C19orf25: variants seen among roughly 807,000 people sequenced by gnomAD.
The protein encoded by C19orf25 is chromosome 19 open reading frame 25, also known as UPF0449 protein C19orf25.
A neutral mutation model predicts 3.1 loss-of-function variants in C19orf25; 1 was observed. That is an observed-to-expected ratio of 0.32 (90% CI 0.12 to 1.54). The LOEUF (loss-of-function observed/expected upper bound fraction) is 1.54, where lower values mean the gene tolerates loss of function less well. Ranked by LOEUF, C19orf25 falls within the 40% of genes most tolerant of loss-of-function variation. The pLI is 0.38. For missense variants in C19orf25, 196 were observed against 160.4 expected (o/e 1.22, Z -1.20); for synonymous variants, 91 against 74.3 (o/e 1.23, Z -1.16).
intron 2 of C19orf25, among the ~76,000 whole-genome samples, chr19:1,477,446 T>C (rs549994507): frequency 4.1e-4 from 62 of 152,352 alleles, no homozygotes; most frequent in African/African-American, 1.5e-3. Flanking sequence ...GTTGAATGAA[T>C]GAATGAGCCT....
rs1239268487 is a variant in C19orf25 at position 1,478,798 on chromosome 19, C to T, written c.106G>A (p.Val36Met). The T allele has an allele frequency of 6.3e-7, 1 of 1,581,792 alleles. No homozygotes were observed. Among genetic ancestry groups the T allele is most frequent in the South Asian group, 1.2e-5 (1 of 86,322 alleles). Reference sequence around the variant, plus strand: ...CCTTCCGGGGCCAGGATGGTGAACACTGGATCCTCTGCCGGCGCACCCCGC... The same window carrying T: ...CCTTCCGGGGCCAGGATGGTGAACATTGGATCCTCTGCCGGCGCACCCCGC... ...DVRGAPAEDP[V>M]FTILAPEDPP... Residue 36 changes from valine to methionine, a missense_variant, in exon 2 of 3, where the codon GTG becomes ATG. Transcript: ENST00000585675.
chr19:1,479,129 C>T lies in C19orf25; in HGVS notation c.-3+34G>A. 5 of 1,310,212 alleles carry T rather than the reference C, an allele frequency of 3.8e-6. No homozygotes were observed. The South Asian group carries it at 1.1e-4, about 29-fold the overall frequency. The allele number at this position is 1,310,212 out of a possible 1,614,324, so 81.2% of individuals were successfully genotyped here. On this transcript the variant is annotated intron_variant, in intron 1 of 2. Transcript: ENST00000585675. Reference sequence around the variant, plus strand: ...CTGGCTCAACCTCTGCCTCAGTTTCCCCGCGGTCACCCCAGTCGCCGGCCT... The same window carrying T: ...CTGGCTCAACCTCTGCCTCAGTTTCTCCGCGGTCACCCCAGTCGCCGGCCT...
intron 1 of C19orf25, 128 bp from the exon 2 acceptor site, chr19:1,479,033 C>T: frequency 7.1e-7 from 1 of 1,402,738 alleles, no homozygotes; most frequent in South Asian, 1.6e-5. Context: ...CGCCCTGTCC[C>T]GCCCCTCTGA....
rs1599174891 is a variant in C19orf25 at position 1,474,538 on chromosome 19, G to A, written c.*494C>T. On this transcript the variant is annotated 3_prime_UTR_variant, in exon 3 of 3. Transcript: ENST00000585675. ...GTGAAGATCAACGTGGCTTGTGGGA[G>A]GAGCCCGGGGCCCAGAAGGAAGTGG... 2 of 346,516 alleles carry A rather than the reference G, an allele frequency of 5.8e-6. No homozygotes were observed. Among genetic ancestry groups the A allele is most frequent in the African/African-American group, 2.1e-5 (1 of 48,024 alleles). The allele number at this position is 346,516 out of a possible 1,614,324, so 21.5% of individuals were successfully genotyped here.
intron 2 of C19orf25, among the ~76,000 whole-genome samples, chr19:1,477,795 G>A (rs572078284): frequency 2.0e-5 from 3 of 152,194 alleles, no homozygotes; most frequent in East Asian, 3.9e-4. Context: ...GGTTTGGGGG[G>A]CCCTAGCTTA....
rs1284129173 is a variant in C19orf25, at chr19:1,475,162, A to T, written c.227T>A (p.Leu76Gln). ...CCTCAGCACGTTGCCCGCCTGCTGC[A>T]GCCGCTGGTTGGCAGCCACGTAGGC... ...SRAYVAANQRLQQAGNVLRQR... is the reference protein window; with the variant it reads ...SRAYVAANQRQQQAGNVLRQR... The change falls in exon 3 of 3, where the codon CTG becomes CAG. Residue 76 changes from leucine (L) to glutamine (Q), a missense_variant. Transcript: ENST00000585675. 1 of 1,582,500 alleles carries T rather than the reference A, an allele frequency of 6.3e-7. No individual in the cohort carries two copies. The highest frequency in any genetic ancestry group is 8.6e-7 in the Non-Finnish European group (1 of 1,165,688).
At chr19:1,478,511 C>G in intron 2 of C19orf25, 1 of 1,109,798 alleles carries the variant, frequency 9.0e-7, no homozygotes, top group South Asian at 2.6e-5. Context: ...TGGGCTCAAG[C>G]GATCCTCCCG....
At chr19:1,476,054 G>T (rs2084202439) in intron 2 of C19orf25, 1 of 396,994 alleles carries the variant, frequency 2.5e-6, no homozygotes, top group African/African-American at 2.1e-5. Flanking sequence ...TGGCGAAGGT[G>T]AGAGGTGGGC....
rs186651565 is a variant in C19orf25 at position 1,478,868 on chromosome 19, G to A, written c.36C>T (p.Pro12=). The change falls in exon 2 of 3, where the codon CCC becomes CCT. Residue 12 remains proline (P), a synonymous_variant. Coordinates refer to ENST00000585675, the MANE Select transcript of C19orf25 (RefSeq NM_152482.3). ...CCACCGTGGGGGGCGCTGGGCGGGT[G>A]GGCAGCAGCACGCGCTTCTTTGCCT... is the stretch of plus-strand genomic sequence containing the variant. The part of the protein sequence containing the change: ...GSKAKKRVLL[P]TRPAPPTVEQ... 675 of 1,594,042 alleles carry A rather than the reference G, an allele frequency of 4.2e-4. 3 individuals are homozygous for A. In the African/African-American group the frequency reaches 7.9e-3, roughly 19 times the overall value.
intron 2 of C19orf25, among the ~76,000 whole-genome samples, chr19:1,477,001 C>CTTTTT (rs57364052): frequency 1.4e-5 from 2 of 143,510 alleles, no homozygotes; most frequent in Non-Finnish European, 3.0e-5. Context: ...TTTCTTTTTT[C>CTTTTT]TTTTTTTTTT....
chr19:1,475,107 G>A lies in C19orf25; in HGVS notation c.282C>T (p.Gly94=), dbSNP rs369407579. The A allele has an allele frequency of 2.0e-5, 32 of 1,604,576 alleles. No homozygotes were observed. The highest frequency in any genetic ancestry group is 2.7e-5 in the African/African-American group (2 of 74,722). ...RQRCELLQRA[G]EDLEREVAQM... The stretch of plus-strand genomic sequence containing the variant: ...GGGCCACCTCCCGCTCCAGGTCCTC[G>A]CCGGCTCGCTGCAGGAGCTCACACC... Residue 94 remains glycine (G), a synonymous_variant, in exon 3 of 3, where the codon GGC becomes GGT. Transcript: ENST00000585675.
chr19:1,474,992 G>A lies in C19orf25; in HGVS notation c.*40C>T. The A allele has an allele frequency of 1.9e-6, 3 of 1,545,626 alleles. No homozygotes were observed. Among genetic ancestry groups the A allele is most frequent in the Non-Finnish European group, 2.6e-6 (3 of 1,149,404 alleles). ...ACCCCCAGGGAAAGCCTGGGTGCAG[G>A]CCACCTTGTGCGCTGCCCAAGCCTG... On this transcript the variant is annotated 3_prime_UTR_variant, in exon 3 of 3. Coordinates refer to ENST00000585675, the MANE Select transcript of C19orf25 (RefSeq NM_152482.3).
chr19:1,475,004 G>C lies in C19orf25; in HGVS notation c.*28C>G. Reference sequence around the variant, plus strand: ...AGCCTGGGTGCAGGCCACCTTGTGCGCTGCCCAAGCCTGCAGGCCCCGAGA... The same window carrying C: ...AGCCTGGGTGCAGGCCACCTTGTGCCCTGCCCAAGCCTGCAGGCCCCGAGA... On this transcript the variant is annotated 3_prime_UTR_variant, in exon 3 of 3. Transcript: ENST00000585675. 1 of 1,554,342 alleles carries C rather than the reference G, an allele frequency of 6.4e-7. No homozygotes were observed. The highest frequency in any genetic ancestry group is 1.7e-4 in the Middle Eastern group (1 of 6,010).
At chr19:1,475,916 G>C (rs1162032952) in intron 2 of C19orf25, 1 of 330,464 alleles carries the variant, frequency 3.0e-6, no homozygotes, top group African/African-American at 2.1e-5. Context: ...CACCGGGATG[G>C]ACTCCACTGA....
At chr19:1,476,672 G>A (rs1399198832) in intron 2 of C19orf25, among the ~76,000 whole-genome samples, 1 of 152,178 alleles carries the variant, frequency 6.6e-6, no homozygotes, top group African/African-American at 2.4e-5. Flanking sequence ...CAGAGACAGG[G>A]TCTCACTCTG....
Position 1,474,843 on chromosome 19 carries a change from GT to G in C19orf25, c.*188del, listed in dbSNP as rs1473621891. ...GGTCACGCAGGACGGAGCCAGCTGGGTGGGTCCCACCAACTCGGCATGAATG... is the reference window on the plus strand; with the variant it reads ...GGTCACGCAGGACGGAGCCAGCTGGGGGGTCCCACCAACTCGGCATGAATG... On this transcript the variant is annotated 3_prime_UTR_variant, in exon 3 of 3. Coordinates refer to ENST00000585675, the MANE Select transcript of C19orf25 (RefSeq NM_152482.3). 6.8e-7 allele frequency: 1 copy of G among 1,469,124 alleles called. No individual in the cohort carries two copies. The highest frequency in any genetic ancestry group is 1.3e-5 in the South Asian group (1 of 74,664). The allele number at this position is 1,469,124 out of a possible 1,614,324, so 91.0% of individuals were successfully genotyped here.
At chr19:1,478,732 G>A in intron 2 of C19orf25, 42 bp downstream of exon 2, 1 of 1,539,012 alleles carries the variant, frequency 6.5e-7, no homozygotes, top group Non-Finnish European at 8.8e-7. Flanking sequence ...CTTGCTGCCG[G>A]GGTCTCAGGT....
chr19:1,475,430 C>T (rs759218699), intron 2 of C19orf25, 172 bp from the exon 3 acceptor site: 15 of 669,874 alleles, frequency 2.2e-5, no homozygotes, highest in African/African-American at 3.6e-5. Context: ...GCCTGTAATC[C>T]AGCACTTTGG....
chr19:1,474,839 C>G lies in C19orf25; in HGVS notation c.*193G>C. The G allele has an allele frequency of 1.4e-6, 2 of 1,465,594 alleles. No homozygotes were observed. The highest frequency in any genetic ancestry group is 1.8e-6 in the Non-Finnish European group (2 of 1,109,340). 90.8% of individuals were successfully genotyped at this position (1,465,594 alleles called of 1,614,324 possible). A position where few individuals can be genotyped will look rare whatever the true frequency, so the allele number is the denominator to read the frequency against. On this transcript the variant is annotated 3_prime_UTR_variant, in exon 3 of 3. Coordinates refer to ENST00000585675, the MANE Select transcript of C19orf25 (RefSeq NM_152482.3). The stretch of plus-strand genomic sequence containing the variant: ...CTCAGGTCACGCAGGACGGAGCCAG[C>G]TGGGTGGGTCCCACCAACTCGGCAT...
Sources: gnomAD v4.1 joint callset for allele counts (sites outside exome capture counted in the v4.1 genomes callset) on GRCh38, gnomAD v4.1.1 for gene constraint, MANE v1.5 for transcripts, NCBI Gene and HGNC (gene_info 2026-07-23, HGNC 2026-07-21) for gene names.